Variants in PDE4D observed in about 807,000 individuals in gnomAD.
The protein encoded by PDE4D is phosphodiesterase 4D.
In PDE4D, 24 loss-of-function variants were observed where a neutral mutation model predicts 87.4. The ratio of observed to expected loss-of-function variants is 0.27; its 90% CI spans 0.20 to 0.39. PDE4D has a LOEUF of 0.39. PDE4D is among the 10% of genes least tolerant of loss of function. PDE4D has a pLI of 1.00. For missense variants in PDE4D, 714 were observed against 1,041.0 expected (o/e 0.69, Z 4.32); for synonymous variants, 384 against 383.2 (o/e 1.00, Z -0.02).
At chr5:60,343,349 G>A (rs755148304) in intron 1 of PDE4D, among the ~76,000 whole-genome samples, 86 of 152,176 alleles carry the variant, frequency 5.7e-4, no homozygotes, top group Non-Finnish European at 4.7e-4. Flanking sequence ...AGCAGGGCCC[G>A]GAAAAGGGCT....
intron 1 of PDE4D, among the ~76,000 whole-genome samples, chr5:59,834,385 T>C (rs1741694791): frequency 6.6e-6 from 1 of 152,044 alleles, no homozygotes; most frequent in Non-Finnish European, 1.5e-5. Context: ...TATTGACATC[T>C]TTACATACAT....
At chr5:59,939,853 T>C (rs1240259242) in intron 3 of PDE4D, among the ~76,000 whole-genome samples, 2 of 152,088 alleles carry the variant, frequency 1.3e-5, no homozygotes, top group South Asian at 4.1e-4. Context: ...TTAAAGATGG[T>C]AGAAAGAGGG....
At chr5:59,387,540 T>A (rs1037793978) in intron 1 of PDE4D, among the ~76,000 whole-genome samples, 4 of 152,114 alleles carry the variant, frequency 2.6e-5, no homozygotes, top group African/African-American at 7.2e-5. Flanking sequence ...AATAGTTCCA[T>A]TGTATTTCCA....
chr5:59,697,014 T>C (rs1040019847), intron 1 of PDE4D, among the ~76,000 whole-genome samples: 2 of 152,216 alleles, frequency 1.3e-5, no homozygotes, highest in Non-Finnish European at 2.9e-5. Flanking sequence ...GAGTACTTTC[T>C]GATCATGGTA....
chr5:59,269,857 AT>A (rs1763495934), intron 1 of PDE4D, among the ~76,000 whole-genome samples: 1 of 152,066 alleles, frequency 6.6e-6, no homozygotes, highest in Non-Finnish European at 1.5e-5. Flanking sequence ...TTCAACTCAC[AT>A]TTCATTAATA....
intron 6 of PDE4D, 127 bp from the exon 7 acceptor site, chr5:58,993,592 T>C (rs1748434252): frequency 3.5e-6 from 2 of 571,492 alleles, no homozygotes; most frequent in Admixed American, 3.8e-5. Context: ...TTTAGAACAG[T>C]GCCTTCCAGC....
chr5:59,703,091 G>T (rs766224533), intron 1 of PDE4D, among the ~76,000 whole-genome samples: 1 of 152,060 alleles, frequency 6.6e-6, no homozygotes, highest in Non-Finnish European at 1.5e-5. Context: ...ACAACACACT[G>T]AGCAATAGCT....
In PDE4D at chr5:59,893,184, AC is replaced by A; in HGVS notation, c.438del (p.Phe147SerfsTer23). On this transcript the variant is annotated frameshift_variant, in exon 1 of 15. Coordinates refer to ENST00000340635, the MANE Select transcript of PDE4D (RefSeq NM_001104631.2). LOFTEE classifies it high-confidence loss of function. Reference protein sequence around the residue: ...LKKSRMSWPSSFQGLRRFDVD... With the variant: ...LKKSRMSWPSXFQGLRRFDVD... ...TCCACTCACCGCCTGAGTCCCTGGA[AC>A]GAGGAGGGCCAGGACATCCTGGATT... is the stretch of plus-strand genomic sequence containing the variant. 6.4e-7 allele frequency: 1 copy of A among 1,563,710 alleles called. No homozygotes were observed. Among genetic ancestry groups the A allele is most frequent in the Non-Finnish European group, 8.7e-7 (1 of 1,154,122 alleles).
At chr5:60,282,965 C>T (rs1379078130) in intron 1 of PDE4D, among the ~76,000 whole-genome samples, 1 of 152,096 alleles carries the variant, frequency 6.6e-6, no homozygotes, top group East Asian at 1.9e-4. Flanking sequence ...ATTTCATGCA[C>T]ATTTGAAAAG....
At chr5:59,879,122 G>T (rs570492455) in intron 1 of PDE4D, among the ~76,000 whole-genome samples, 1 of 151,372 alleles carries the variant, frequency 6.6e-6, no homozygotes, top group African/African-American at 2.4e-5. Context: ...GGATGGTCTC[G>T]ATCTCCTGAC....
intron 1 of PDE4D, among the ~76,000 whole-genome samples, chr5:60,374,298 A>C (rs1392605791): frequency 1.3e-5 from 2 of 152,198 alleles, no homozygotes; most frequent in Non-Finnish European, 2.9e-5. Context: ...CCCCCAAAAA[A>C]ACACCATCAA....
At chr5:59,047,030 A>G (rs1457852336) in intron 5 of PDE4D, among the ~76,000 whole-genome samples, 2 of 152,200 alleles carry the variant, frequency 1.3e-5, no homozygotes, top group African/African-American at 4.8e-5. Context: ...TAATAACAAG[A>G]GCCTTGTAAG....
At chr5:59,969,313 A>G (rs1426917537) in intron 3 of PDE4D, among the ~76,000 whole-genome samples, 1 of 152,190 alleles carries the variant, frequency 6.6e-6, no homozygotes, top group Non-Finnish European at 1.5e-5. Flanking sequence ...GACTATCTGA[A>G]GAATAGATAT....
At chr5:60,180,578 G>T (rs552889749) in intron 2 of PDE4D, among the ~76,000 whole-genome samples, 1 of 152,222 alleles carries the variant, frequency 6.6e-6, no homozygotes, top group African/African-American at 2.4e-5. Context: ...TATAAATTTA[G>T]TTATCAGATA....
chr5:59,806,385 A>G (rs148342779), intron 1 of PDE4D, among the ~76,000 whole-genome samples: 1 of 152,344 alleles, frequency 6.6e-6, no homozygotes, highest in Non-Finnish European at 1.5e-5. Flanking sequence ...GAGACCTGGA[A>G]ACAGTTAATA....
At chr5:59,180,972 T>C (rs1320926661) in intron 4 of PDE4D, among the ~76,000 whole-genome samples, 1 of 152,206 alleles carries the variant, frequency 6.6e-6, no homozygotes, top group East Asian at 1.9e-4. Context: ...GACTCTGAAT[T>C]TGAAAAAGCA....
chr5:60,096,691 A>C (rs980618113), intron 2 of PDE4D, among the ~76,000 whole-genome samples: 1 of 152,094 alleles, frequency 6.6e-6, no homozygotes, highest in African/African-American at 2.4e-5. Flanking sequence ...CTGAATGCTA[A>C]TGTATAGTTT....
chr5:59,673,182 A>G (rs915116517), intron 1 of PDE4D, among the ~76,000 whole-genome samples: 4 of 152,208 alleles, frequency 2.6e-5, no homozygotes, highest in African/African-American at 9.6e-5. Context: ...TTGATGGAAC[A>G]GTAAATGGCC....
intron 2 of PDE4D, among the ~76,000 whole-genome samples, chr5:60,148,116 A>G (rs1781173397): frequency 6.6e-6 from 1 of 152,154 alleles, no homozygotes; most frequent in South Asian, 2.1e-4. Flanking sequence ...TGATGTATCT[A>G]AAGAATCTGA....
Sources: allele counts gnomAD v4.1 joint callset (sites outside exome capture counted in the v4.1 genomes callset), GRCh38; gene constraint gnomAD v4.1.1; transcripts MANE v1.5; gene names NCBI Gene and HGNC (gene_info 2026-07-23, HGNC 2026-07-21).